CCDC60: variants seen among roughly 807,000 people sequenced by gnomAD.
CCDC60 encodes coiled-coil domain containing 60.
CCDC60 carries 54 observed loss-of-function variants against 63.5 expected under a neutral mutation model. The ratio of observed to expected loss-of-function variants is 0.85; its 90% CI spans 0.68 to 1.07. The LOEUF (loss-of-function observed/expected upper bound fraction) is 1.07. Ranked by LOEUF, CCDC60 falls within the 50% of genes least tolerant of loss-of-function variation. The probability of loss-of-function intolerance (pLI) is 0.00; values close to 1 mark genes in which losing one functional copy is unlikely to be tolerated. For synonymous variants in CCDC60, 206 were observed against 238.8 expected (o/e 0.86, Z 1.27); for missense variants, 651 against 684.3 (o/e 0.95, Z 0.54).
rs550036520 is a variant in CCDC60 at position 119,540,180 on chromosome 12, G to A, written c.1552-434G>A. 3.3e-5 allele frequency among the ~76,000 whole-genome samples: 5 copies of A among 152,222 alleles called. No individual in the cohort carries two copies. In the South Asian group the frequency reaches 1.0e-3, roughly 32 times the overall value. Reference sequence around the variant, plus strand: ...GAATTTCTAATAATCTGGATGTGGGGGTCTACATGAAACTCTTCCTTTTGT... The same window carrying A: ...GAATTTCTAATAATCTGGATGTGGGAGTCTACATGAAACTCTTCCTTTTGT... On this transcript the variant is annotated intron_variant, in intron 13 of 13. Coordinates refer to ENST00000327554, the MANE Select transcript of CCDC60 (RefSeq NM_178499.5).
Position 119,505,061 on chromosome 12 carries a change from T to A in CCDC60, c.649-8T>A. ...TCCTGAAACCTCTCTTTCTTCTCTT[T>A]CCTTTAGACCAAGAAATTCAAAATT... is the stretch of plus-strand genomic sequence containing the variant. On this transcript the variant is annotated splice_polypyrimidine_tract_variant and splice_region_variant and intron_variant, in intron 6 of 13. Transcript: ENST00000327554. 1 of 1,577,682 alleles carries A rather than the reference T, an allele frequency of 6.3e-7. No homozygotes were observed. The highest frequency in any genetic ancestry group is 8.6e-7 in the Non-Finnish European group (1 of 1,156,584).
intron 1 of CCDC60, among the ~76,000 whole-genome samples, chr12:119,336,882 G>C (rs543931623): frequency 6.6e-6 from 1 of 152,266 alleles, no homozygotes; most frequent in African/African-American, 2.4e-5. Flanking sequence ...ATCATAACTG[G>C]ACGAGCACAA....
chr12:119,457,199 A>G (rs1405256293), intron 2 of CCDC60, among the ~76,000 whole-genome samples: 2 of 152,210 alleles, frequency 1.3e-5, no homozygotes, highest in African/African-American at 4.8e-5. Context: ...AGACCCAAGA[A>G]TTTTGCAAAA....
At chr12:119,354,252 G>T (rs1955694081) in intron 1 of CCDC60, among the ~76,000 whole-genome samples, 1 of 152,122 alleles carries the variant, frequency 6.6e-6, no homozygotes, top group Non-Finnish European at 1.5e-5. Context: ...ACCCTAGACA[G>T]CCTGTTCATT....
chr12:119,516,598 G>A, intron 7 of CCDC60, 25 bp from the exon 8 acceptor site: 1 of 1,574,214 alleles, frequency 6.4e-7, no homozygotes, highest in Non-Finnish European at 8.7e-7. Context: ...TTCTGGTCAA[G>A]GGTGACCTCT....
At chr12:119,428,660 T>C (rs757109375) in intron 1 of CCDC60, 23 bp from the exon 2 acceptor site, 2 of 1,512,456 alleles carry the variant, frequency 1.3e-6, no homozygotes, top group Non-Finnish European at 1.8e-6. Flanking sequence ...TCCTTTTATT[T>C]TAACCCCTTG....
At chr12:119,432,007 C>T (rs1046950937) in intron 2 of CCDC60, among the ~76,000 whole-genome samples, 5 of 152,176 alleles carry the variant, frequency 3.3e-5, no homozygotes, top group Non-Finnish European at 4.4e-5. Flanking sequence ...AACTAAGTTC[C>T]TCCAAAGTTA....
rs61126044 is a variant in CCDC60 at position 119,425,366 on chromosome 12, G to T, written c.91-3317G>T. Among the ~76,000 whole-genome samples, 1,047 of 152,178 alleles carry T rather than the reference G, an allele frequency of 6.9e-3. 14 individuals are homozygous for T. Among genetic ancestry groups the T allele is most frequent in the African/African-American group, 0.022 (912 of 41,520 alleles). On this transcript the variant is annotated intron_variant, in intron 1 of 13. Transcript: ENST00000327554. ...TTCACTATAAAATACACCAGAATGGGGGTCATCTGATCTTGATACCTCAAA... is the reference window on the plus strand; with the variant it reads ...TTCACTATAAAATACACCAGAATGGTGGTCATCTGATCTTGATACCTCAAA...
chr12:119,447,299 G>A (rs555814586), intron 2 of CCDC60, among the ~76,000 whole-genome samples: 37 of 152,210 alleles, frequency 2.4e-4, no homozygotes, highest in African/African-American at 7.7e-4. Context: ...ACTGCATTGC[G>A]CCTCAGACCC....
At chr12:119,445,292 G>A (rs1255113280) in intron 2 of CCDC60, among the ~76,000 whole-genome samples, 1 of 151,522 alleles carries the variant, frequency 6.6e-6, no homozygotes, top group African/African-American at 2.4e-5. Context: ...AAATTAGCCG[G>A]GTATGGTGGC....
At chr12:119,416,847 G>A (rs757407442) in intron 1 of CCDC60, among the ~76,000 whole-genome samples, 1 of 152,112 alleles carries the variant, frequency 6.6e-6, no homozygotes, top group Non-Finnish European at 1.5e-5. Context: ...CCGGCCGGTC[G>A]ACGTGGCTCA....
Position 119,412,153 on chromosome 12 carries a change from C to T in CCDC60, c.91-16530C>T, listed in dbSNP as rs950675794. Among the ~76,000 whole-genome samples the T allele has an allele frequency of 1.4e-4, 22 of 152,182 alleles. 1 individual carries two copies. Among genetic ancestry groups the T allele is most frequent in the Admixed American group, 3.3e-4 (5 of 15,276 alleles). Reference sequence around the variant, plus strand: ...ATTCATATCCCAGCATCTCTGGTGTCACACTAAAGCTCAGCCCAAGAGTCA... The same window carrying T: ...ATTCATATCCCAGCATCTCTGGTGTTACACTAAAGCTCAGCCCAAGAGTCA... On this transcript the variant is annotated intron_variant, in intron 1 of 13. Coordinates refer to ENST00000327554, the MANE Select transcript of CCDC60 (RefSeq NM_178499.5).
chr12:119,425,056 T>G (rs1209729999), intron 1 of CCDC60, among the ~76,000 whole-genome samples: 1 of 152,210 alleles, frequency 6.6e-6, no homozygotes, highest in Non-Finnish European at 1.5e-5. Context: ...ATCATAGTTG[T>G]TTCATGAAGA....
At chr12:119,513,699 T>C (rs1335912293) in intron 7 of CCDC60, among the ~76,000 whole-genome samples, 1 of 152,208 alleles carries the variant, frequency 6.6e-6, no homozygotes, top group Non-Finnish European at 1.5e-5. Context: ...AGAGTGAAGC[T>C]GAAAAATTCC....
At chr12:119,461,990 G>A (rs1950864336) in intron 2 of CCDC60, among the ~76,000 whole-genome samples, 1 of 152,182 alleles carries the variant, frequency 6.6e-6, no homozygotes, top group Non-Finnish European at 1.5e-5. Context: ...GAATAGACTG[G>A]TGTGTCTGAC....
chr12:119,499,509 C>T (rs1027480247), intron 5 of CCDC60, among the ~76,000 whole-genome samples: 3 of 152,162 alleles, frequency 2.0e-5, no homozygotes, highest in African/African-American at 7.2e-5. Context: ...GACTACATCA[C>T]AAGGTTATAG....
chr12:119,527,833 C>A (rs999843404), intron 11 of CCDC60, among the ~76,000 whole-genome samples: 4 of 151,656 alleles, frequency 2.6e-5, no homozygotes, highest in East Asian at 1.9e-4. Context: ...CCCGCCACCA[C>A]GCCCGGCTAA....
At position 119,417,077 on chromosome 12, in the gene CCDC60, G is replaced by A. The variant is rs148882986; in HGVS notation, c.91-11606G>A. On this transcript the variant is annotated intron_variant, in intron 1 of 13. Transcript: ENST00000327554. The stretch of plus-strand genomic sequence containing the variant: ...AGAAGTTGCAGTGAGCCAAGATCGC[G>A]CCATTGCACTCCAGCCTGGGCAACA... Among the ~76,000 whole-genome samples the A allele has an allele frequency of 3.2e-4, 49 of 152,130 alleles. 1 individual carries two copies. In the East Asian group the frequency reaches 3.9e-3, roughly 12 times the overall value.
intron 1 of CCDC60, among the ~76,000 whole-genome samples, chr12:119,370,338 A>C (rs943096874): frequency 2.0e-5 from 3 of 152,230 alleles, no homozygotes; most frequent in African/African-American, 7.2e-5. Flanking sequence ...ATCCGGGACT[A>C]TGGCTTAAGT....
Sources: allele counts gnomAD v4.1 joint callset (sites outside exome capture counted in the v4.1 genomes callset), GRCh38; gene constraint gnomAD v4.1.1; transcripts MANE v1.5; gene names NCBI Gene and HGNC (gene_info 2026-07-23, HGNC 2026-07-21).